EPN1: variants seen among roughly 807,000 people sequenced by gnomAD.
The protein encoded by EPN1 is epsin 1.
Under a neutral mutation model 56.9 loss-of-function variants are expected in EPN1, and 25 were observed. The ratio of observed to expected loss-of-function variants is 0.44; its 90% CI spans 0.32 to 0.61. EPN1 has a LOEUF of 0.61. Ranked by LOEUF, EPN1 falls within the 20% of genes least tolerant of loss-of-function variation. EPN1 has a pLI of 0.05. For synonymous variants in EPN1, 411 were observed against 361.8 expected (o/e 1.14, Z -1.54); for missense variants, 785 against 823.7 (o/e 0.95, Z 0.58).
At chr19:55,684,399 A>C (rs947156019) in intron 2 of EPN1, among the ~76,000 whole-genome samples, 6 of 152,102 alleles carry the variant, frequency 3.9e-5, no homozygotes, top group Admixed American at 6.5e-5. Context: ...TAAGGGGGCC[A>C]TGACTCCTCA....
chr19:55,683,034 T>C (rs763274525), intron 2 of EPN1, among the ~76,000 whole-genome samples: 9 of 151,116 alleles, frequency 6.0e-5, no homozygotes, highest in East Asian at 3.9e-4. Context: ...GGATTACAGG[T>C]GTGAGCCACC....
chr19:55,681,502 A>T (rs765379281), intron 2 of EPN1, among the ~76,000 whole-genome samples: 3 of 152,172 alleles, frequency 2.0e-5, no homozygotes, highest in Non-Finnish European at 2.9e-5. Context: ...CACTGGTGAA[A>T]TCCCACTCAC....
intron 7 of EPN1, 27 bp from the exon 8 acceptor site, chr19:55,692,659 C>T (rs778825451): frequency 3.5e-6 from 5 of 1,443,242 alleles, no homozygotes; most frequent in South Asian, 2.8e-5. Flanking sequence ...GGTTGCCAGC[C>T]CCTCATGCTC....
intron 9 of EPN1, chr19:55,693,269 G>A: frequency 1.9e-6 from 1 of 527,284 alleles, no homozygotes; most frequent in Non-Finnish European, 3.4e-6. Flanking sequence ...TGTTCTCAAG[G>A]TTTCCCACCC....
rs1178629676 is a variant in EPN1 at position 55,695,023 on chromosome 19, G to A, written c.1522+40G>A. The stretch of plus-strand genomic sequence containing the variant: ...ATCACCTGCTCAAGTCCTTCCTGTG[G>A]GTTCCACCAGAGGAGGTGCCTCACG... On this transcript the variant is annotated intron_variant, in intron 10 of 10. Transcript: ENST00000270460. This position sits in a 1 kb window ranked among gnomAD's most constrained non-coding sequence, Gnocchi z 4.4. The A allele has an allele frequency of 5.1e-6, 8 of 1,563,952 alleles. No homozygotes were observed. The highest frequency in any genetic ancestry group is 6.9e-6 in the Non-Finnish European group (8 of 1,155,422).
At chr19:55,677,804 T>G in intron 1 of EPN1, 1 of 1,435,342 alleles carries the variant, frequency 7.0e-7, no homozygotes, top group Non-Finnish European at 9.2e-7. Flanking sequence ...TCCTTGTTTC[T>G]GCTGTGGATT....
intron 6 of EPN1, among the ~76,000 whole-genome samples, chr19:55,690,318 G>C (rs1206959542): frequency 1.3e-5 from 2 of 152,256 alleles, no homozygotes; most frequent in African/African-American, 4.8e-5. Context: ...ACTTTGTCGG[G>C]CACCTCCTTG....
rs1450537711 is a variant in EPN1, at chr19:55,707,746, A to G, written c.*12390A>G. On this transcript the variant is annotated 3_prime_UTR_variant, in exon 11 of 11. Transcript: ENST00000270460. Reference sequence around the variant, plus strand: ...AGGCCCACACACAAGATTCTCACCCACATGGCCGTGGCAAACTCCTTGGTT... The same window carrying G: ...AGGCCCACACACAAGATTCTCACCCGCATGGCCGTGGCAAACTCCTTGGTT... 2 of 154,518 alleles carry G rather than the reference A, an allele frequency of 1.3e-5. No homozygotes were observed. The highest frequency in any genetic ancestry group is 2.9e-5 in the Non-Finnish European group (2 of 68,262). 9.6% of individuals were successfully genotyped at this position (154,518 alleles called of 1,614,324 possible).
Position 55,704,909 on chromosome 19 carries a change from T to A in EPN1, c.*9553T>A, listed in dbSNP as rs1450519677. ...CAAGTGATCCGTAGAATGGTAGACA[T>A]CATCCACTTCCCAAGCATCTCTGGC... On this transcript the variant is annotated 3_prime_UTR_variant, in exon 11 of 11. Transcript: ENST00000270460. 6.6e-6 allele frequency: 1 copy of A among 152,232 alleles called. No homozygotes were observed. The highest frequency in any genetic ancestry group is 1.5e-5 in the Non-Finnish European group (1 of 68,080). 9.4% of individuals were successfully genotyped at this position (152,232 alleles called of 1,614,324 possible). A position where few individuals can be genotyped will look rare whatever the true frequency, so the allele number is the denominator to read the frequency against.
rs1986813617 is a variant in EPN1, at chr19:55,694,819, G to A, written c.1358G>A (p.Gly453Asp). ...AGGGGATCTCTGGCTGAGGCTGTGGGCAGCCCCCCACCTGCAGCCACACCA... is the reference window on the plus strand; with the variant it reads ...AGGGGATCTCTGGCTGAGGCTGTGGACAGCCCCCCACCTGCAGCCACACCA... ...GVRGSLAEAV[G>D]SPPPAATPTP... The change falls in exon 10 of 11, where the codon GGC becomes GAC. Residue 453 changes from glycine (G) to aspartate (D), a missense_variant. Physicochemically the swap from Gly to Asp is moderately conservative, Grantham distance 94. Transcript: ENST00000270460. This position sits in a 1 kb window ranked among gnomAD's most constrained non-coding sequence, Gnocchi z 4.2. The A allele has an allele frequency of 6.2e-7, 1 of 1,609,752 alleles. No homozygotes were observed. Among genetic ancestry groups the A allele is most frequent in the Non-Finnish European group, 8.5e-7 (1 of 1,178,484 alleles).
Position 55,676,976 on chromosome 19 carries a change from T to C in EPN1, c.-102+1541T>C, listed in dbSNP as rs145413177. The C allele has an allele frequency of 6.8e-4, 443 of 655,854 alleles. 8 individuals are homozygous for C. In the East Asian group the frequency reaches 0.011, roughly 16 times the overall value. The allele number at this position is 655,854 out of a possible 1,614,324, so 40.6% of individuals were successfully genotyped here. A position where few individuals can be genotyped will look rare whatever the true frequency, so the allele number is the denominator to read the frequency against. ...CATTTGTTACATCATCTCTTCATCT[T>C]AATGTATTAGGCTGGGGCTGTTTTG... On this transcript the variant is annotated intron_variant, in intron 1 of 10. Coordinates refer to ENST00000270460, the MANE Select transcript of EPN1 (RefSeq NM_001130072.2).
intron 2 of EPN1, among the ~76,000 whole-genome samples, chr19:55,684,748 C>G (rs543681874): frequency 6.6e-6 from 1 of 152,124 alleles, no homozygotes; most frequent in Non-Finnish European, 1.5e-5. Flanking sequence ...TACTAAGACC[C>G]CCTTCATTGT....
intron 2 of EPN1, among the ~76,000 whole-genome samples, chr19:55,679,359 G>C (rs767361211): frequency 6.6e-6 from 1 of 152,222 alleles, no homozygotes; most frequent in East Asian, 1.9e-4. Context: ...TGTGTTCCTC[G>C]TGTTACGGCA....
intron 2 of EPN1, among the ~76,000 whole-genome samples, chr19:55,682,018 C>G (rs1218743141): frequency 6.6e-6 from 1 of 152,084 alleles, no homozygotes; most frequent in Non-Finnish European, 1.5e-5. Flanking sequence ...GTTGCCCAGG[C>G]TGGTCTTGAA....
chr19:55,679,098 A>G (rs1311963705), intron 2 of EPN1, among the ~76,000 whole-genome samples: 1 of 152,242 alleles, frequency 6.6e-6, no homozygotes, highest in Non-Finnish European at 1.5e-5. Flanking sequence ...AGGAGGCCTG[A>G]GAGGGCCCAC....
At chr19:55,692,267 T>A (rs959645747) in intron 7 of EPN1, among the ~76,000 whole-genome samples, 10 of 149,250 alleles carry the variant, frequency 6.7e-5, no homozygotes, top group Admixed American at 5.3e-4. Flanking sequence ...GGGGGTGTGC[T>A]GTGGGGAGGG....
chr19:55,695,100 G>T lies in EPN1; in HGVS notation c.1523-48G>T, dbSNP rs1396615922. Reference sequence around the variant, plus strand: ...GCACATGCTGGATGGACACAGGTGGGCTGCGCCACTGACTCCACTCCGTGT... The same window carrying T: ...GCACATGCTGGATGGACACAGGTGGTCTGCGCCACTGACTCCACTCCGTGT... On this transcript the variant is annotated intron_variant, in intron 10 of 10. Coordinates refer to ENST00000270460, the MANE Select transcript of EPN1 (RefSeq NM_001130072.2). The surrounding 1 kb of genome is among the most constrained non-coding windows in gnomAD (Gnocchi z 4.4). 3 of 1,611,718 alleles carry T rather than the reference G, an allele frequency of 1.9e-6. No individual in the cohort carries two copies. In the Admixed American group the frequency reaches 5.0e-5, roughly 27 times the overall value.
At chr19:55,677,727 C>A in intron 1 of EPN1, 1 of 1,544,214 alleles carries the variant, frequency 6.5e-7, no homozygotes, top group Non-Finnish European at 8.7e-7. Context: ...TTCTTCCTGC[C>A]GCCCTGGGTT....
Position 55,692,200 on chromosome 19 carries a change from C to CG in EPN1, c.1066+148dup, listed in dbSNP as rs112737515. On this transcript the variant is annotated intron_variant, in intron 7 of 10. Coordinates refer to ENST00000270460, the MANE Select transcript of EPN1 (RefSeq NM_001130072.2). ...CTGGGTGCAGGGGAGGGGGCAAGGGCGGGGGTCAGATGAGAGCCCAGCACA... is the reference window on the plus strand; with the variant it reads ...CTGGGTGCAGGGGAGGGGGCAAGGGCGGGGGGTCAGATGAGAGCCCAGCACA... 4.4e-5 allele frequency: 31 copies of CG among 698,760 alleles called. No homozygotes were observed. The African/African-American group carries it at 4.5e-4, about 10-fold the overall frequency. The allele number at this position is 698,760 out of a possible 1,614,324, so 43.3% of individuals were successfully genotyped here.
Sources: allele counts gnomAD v4.1 joint callset (sites outside exome capture counted in the v4.1 genomes callset), GRCh38; gene constraint gnomAD v4.1.1; non-coding constraint Gnocchi (gnomAD v3.1); transcripts MANE v1.5; gene names NCBI Gene and HGNC (gene_info 2026-07-23, HGNC 2026-07-21).